Variants in AKAP19 observed in about 807,000 individuals in gnomAD.
The protein encoded by AKAP19 is A-kinase anchoring protein 19, also known as small A-kinase anchoring protein.
the AKAP19 span, among the ~76,000 whole-genome samples, chr2:190,001,748 A>G: frequency 1.3e-5 from 2 of 152,200 alleles, no homozygotes; most frequent in Admixed American, 1.3e-4. Context: ...CATCTGGCCC[A>G]GGTTTTACTT....
At chr2:190,088,731 T>C in the AKAP19 span, among the ~76,000 whole-genome samples, 1 of 152,236 alleles carries the variant, frequency 6.6e-6, no homozygotes, top group Non-Finnish European at 1.5e-5. Flanking sequence ...AGATTTTTCC[T>C]GGACATCTCA....
the AKAP19 span, among the ~76,000 whole-genome samples, chr2:190,196,853 T>C: frequency 6.6e-6 from 1 of 152,196 alleles, no homozygotes. Context: ...CCTATGTGTC[T>C]TAGTCCATTC....
the AKAP19 span, among the ~76,000 whole-genome samples, chr2:190,065,052 A>C: frequency 6.6e-6 from 1 of 152,184 alleles, no homozygotes; most frequent in African/African-American, 2.4e-5. Flanking sequence ...GAGGTCAAAC[A>C]AGGCAGGGTT....
chr2:189,923,835 G>A, the AKAP19 span: 15 of 1,610,574 alleles, frequency 9.3e-6, no homozygotes, highest in Non-Finnish European at 1.3e-5. Flanking sequence ...AGTGGACAGC[G>A]GGGATCTTCC....
the AKAP19 span, among the ~76,000 whole-genome samples, chr2:190,001,996 C>T: frequency 6.6e-6 from 1 of 152,200 alleles, no homozygotes; most frequent in East Asian, 1.9e-4. Flanking sequence ...CATCATCCAT[C>T]ACCCCAAATC....
chr2:189,904,199 C>A, the AKAP19 span, among the ~76,000 whole-genome samples: 1 of 151,964 alleles, frequency 6.6e-6, no homozygotes, highest in African/African-American at 2.4e-5. Context: ...ATTACATTGC[C>A]TTATATTTAT....
the AKAP19 span, among the ~76,000 whole-genome samples, chr2:190,030,920 TAAG>T: frequency 6.6e-5 from 10 of 152,314 alleles, no homozygotes. Flanking sequence ...TCTGGGATTT[TAAG>T]AAGACAAATT....
chr2:190,080,772 A>G, the AKAP19 span, among the ~76,000 whole-genome samples: 6 of 152,226 alleles, frequency 3.9e-5, no homozygotes, highest in African/African-American at 1.4e-4. Flanking sequence ...AACTATTTAT[A>G]GATTTTGTTG....
chr2:190,049,134 C>G, the AKAP19 span, among the ~76,000 whole-genome samples: 1 of 151,774 alleles, frequency 6.6e-6, no homozygotes. Flanking sequence ...AAATAGAAAT[C>G]TTGGAATAAA....
chr2:190,053,194 A>G, the AKAP19 span, among the ~76,000 whole-genome samples: 16 of 152,166 alleles, frequency 1.1e-4, no homozygotes, highest in Non-Finnish European at 2.2e-4. Context: ...AAGCTAGTCA[A>G]CCTTTATAAG....
the AKAP19 span, chr2:190,200,949 T>TAATTCTGTATTAAGCTTTA: frequency 7.5e-4 from 125 of 167,186 alleles, 1 homozygote; most frequent in African/African-American, 3.0e-3. Context: ...GTTTCAGTTT[T>TAATTCTGTATTAAGCTTTA]AATTCTGTAT....
the AKAP19 span, among the ~76,000 whole-genome samples, chr2:190,069,497 T>C: frequency 0.094 from 14,231 of 152,172 alleles, 1,438 homozygotes; most frequent in African/African-American, 0.25. Flanking sequence ...AATGTATAGT[T>C]GTAAAACCAT....
chr2:189,925,546 A>G, the AKAP19 span, among the ~76,000 whole-genome samples: 7 of 152,150 alleles, frequency 4.6e-5, no homozygotes, highest in Admixed American at 3.3e-4. Flanking sequence ...GTTGAGTTAG[A>G]TGTTCCTGAA....
chr2:190,023,567 T>C, the AKAP19 span, among the ~76,000 whole-genome samples: 1 of 152,030 alleles, frequency 6.6e-6, no homozygotes, highest in Non-Finnish European at 1.5e-5. Context: ...AGTTGGGAGA[T>C]TAATAATTTG....
At chr2:189,919,596 GTGTTCTCAA>G in the AKAP19 span, among the ~76,000 whole-genome samples, 2 of 151,988 alleles carry the variant, frequency 1.3e-5, no homozygotes, top group South Asian at 4.2e-4. Flanking sequence ...CTGTGTCCAT[GTGTTCTCAA>G]TGTTCAGCTC....
At chr2:189,997,335 C>T in the AKAP19 span, among the ~76,000 whole-genome samples, 1 of 152,090 alleles carries the variant, frequency 6.6e-6, no homozygotes, top group Admixed American at 6.5e-5. Context: ...TGGATGGGGC[C>T]GTAAAGCTCC....
chr2:189,928,013 A>G, the AKAP19 span, among the ~76,000 whole-genome samples: 4 of 152,154 alleles, frequency 2.6e-5, no homozygotes, highest in Non-Finnish European at 5.9e-5. Flanking sequence ...TTCCTGTTTC[A>G]GGAATGATTG....
At chr2:190,173,799 G>T in the AKAP19 span, among the ~76,000 whole-genome samples, 1 of 152,202 alleles carries the variant, frequency 6.6e-6, no homozygotes, top group East Asian at 1.9e-4. Flanking sequence ...CGAGAAAATT[G>T]TTAAGTACAG....
chr2:190,046,321 C>T, the AKAP19 span, among the ~76,000 whole-genome samples: 1,730 of 152,074 alleles, frequency 0.011, 28 homozygotes, highest in African/African-American at 0.039. Flanking sequence ...AATAGTCTTA[C>T]CTCTGCAGAT....
Sources: gnomAD v4.1 joint callset for allele counts (sites outside exome capture counted in the v4.1 genomes callset) on GRCh38, gnomAD v4.1.1 for gene constraint, MANE v1.5 for transcripts, NCBI Gene and HGNC (gene_info 2026-07-23, HGNC 2026-07-21) for gene names.